The following KAT2A variants were observed in gnomAD, a reference collection of about 807,000 sequenced individuals.
KAT2A encodes lysine acetyltransferase 2A.
KAT2A carries 42 observed loss-of-function variants against 95.2 expected under a neutral mutation model. The ratio of observed to expected loss-of-function variants is 0.44; its 90% confidence interval spans 0.34 to 0.57. The LOEUF (loss-of-function observed/expected upper bound fraction) is 0.57. KAT2A is among the 20% of genes least tolerant of loss of function. The pLI is 0.01. For synonymous variants in KAT2A, 449 were observed against 448.2 expected, an observed-to-expected ratio of 1.00 and a Z score of -0.02; for missense variants, 784 against 1,126.3, an observed-to-expected ratio of 0.70 and a Z score of 4.35.
At chr17:42,113,914 C>A in intron 17 of KAT2A, 72 bp from the exon 18 acceptor site, 1 of 1,482,230 alleles carries the variant, frequency 6.7e-7, no homozygotes, top group Non-Finnish European at 9.0e-7. Flanking sequence ...CCAGGGTGGG[C>A]CCCCTGGGGC....
intron 6 of KAT2A, 149 bp from the exon 7 acceptor site, chr17:42,118,552 A>G (rs1216597349): frequency 1.6e-6 from 1 of 623,964 alleles, no homozygotes; most frequent in Non-Finnish European, 2.9e-6. Flanking sequence ...GTCTTCTGGG[A>G]GCCTCCAATT....
chr17:42,119,328 G>A lies in KAT2A; in HGVS notation c.990C>T (p.Arg330=), dbSNP rs1555666783. 6.2e-7 allele frequency: 1 copy of A among 1,614,102 alleles called. No homozygotes were observed. The highest frequency in any genetic ancestry group is 1.1e-5 in the South Asian group (1 of 91,082). Residue 330 remains arginine, a synonymous_variant, in exon 6 of 18, where the codon CGC becomes CGT. Transcript: ENST00000225916. The surrounding 1 kb of genome is among the most constrained non-coding windows in gnomAD (Gnocchi z 5.3). The part of the protein sequence containing the change: ...SLLRSIFTVT[R]RQLLEKFRVE... ...CTCGGAACTTTTCCAGCAGCTGCCG[G>A]CGGGTAACGGTGAAAATGGACCGGA... is the stretch of plus-strand genomic sequence containing the variant.
chr17:42,116,938 A>G, intron 11 of KAT2A, 97 bp downstream of exon 11: 1 of 1,450,610 alleles, frequency 6.9e-7, no homozygotes, highest in Non-Finnish European at 9.5e-7. Context: ...AGAGAAGAGC[A>G]ACGGGCTGCT....
At chr17:42,116,942 G>GGCT in intron 11 of KAT2A, 93 bp downstream of exon 11, 1 of 1,469,994 alleles carries the variant, frequency 6.8e-7, no homozygotes, top group Non-Finnish European at 9.3e-7. Flanking sequence ...AAGAGCAACG[G>GGCT]GCTGCTGCAT....
In KAT2A at chr17:42,119,902, C is replaced by G; in HGVS notation, c.699+128G>C. ...CACCATGCCCACCCTGAGGTTAGCA[C>G]AAAACACCCTTCCTTCTCTGAACCT... On this transcript the variant is annotated intron_variant, in intron 4 of 17. Transcript: ENST00000225916. The surrounding 1 kb of genome is among the most constrained non-coding windows in gnomAD (Gnocchi z 5.3). 9.5e-7 allele frequency: 1 copy of G among 1,049,800 alleles called. No individual in the cohort carries two copies. Among genetic ancestry groups the G allele is most frequent in the South Asian group, 1.4e-5 (1 of 70,024 alleles). 65.0% of individuals were successfully genotyped at this position (1,049,800 alleles called of 1,614,324 possible). A position where few individuals can be genotyped will look rare whatever the true frequency, so the allele number is the denominator to read the frequency against.
chr17:42,114,186 A>T lies in KAT2A; in HGVS notation c.2235+33T>A. 6.3e-7 allele frequency: 1 copy of T among 1,586,908 alleles called. No homozygotes were observed. The highest frequency in any genetic ancestry group is 8.6e-7 in the Non-Finnish European group (1 of 1,165,346). ...ATCAAGAGGCCACAGCCATTGGTGC[A>T]GGGGCCCTGGAAAGGAAACCTGGTC... On this transcript the variant is annotated intron_variant, in intron 16 of 17. Transcript: ENST00000225916. The surrounding 1 kb of genome is among the most constrained non-coding windows in gnomAD (Gnocchi z 6.0).
In KAT2A at chr17:42,117,017, C is replaced by A. The variant is rs2054268180; in HGVS notation, c.1764+18G>T. 2 of 1,612,798 alleles carry A rather than the reference C, an allele frequency of 1.2e-6. No homozygotes were observed. The highest frequency in any genetic ancestry group is 2.7e-5 in the African/African-American group (2 of 74,948). On this transcript the variant is annotated intron_variant, in intron 11 of 17. Transcript: ENST00000225916. The surrounding 1 kb of genome is among the most constrained non-coding windows in gnomAD (Gnocchi z 8.9). ...AGTGGGCCGTGGACTGGGGCTGGGG[C>A]CGGGGAGCCGCGCTCACCTTGACCT...
In KAT2A at chr17:42,117,812, C is replaced by T. The variant is rs79918701; in HGVS notation, c.1294G>A (p.Glu432Lys). ...AGGTTCTCTGGGAGCGTCCTCTTCT[C>T]GCCTATTGGGGAGGCAGGCAAGGTT... The part of the protein sequence containing the change: ...DSAGAEPMPG[E>K]KRTLPENLTL... Residue 432 changes from glutamate to lysine, a missense_variant and splice_region_variant, in exon 9 of 18, where the codon GAG becomes AAG. Physicochemically the swap from Glu to Lys is moderately conservative, Grantham distance 56. Around this residue, in one of 6 missense-constraint regions of KAT2A, gnomAD observed 174 missense variants for 324.9 expected, o/e 0.54. Coordinates refer to ENST00000225916, the MANE Select transcript of KAT2A (RefSeq NM_021078.3). This position sits in a 1 kb window ranked among gnomAD's most constrained non-coding sequence, Gnocchi z 8.9. 12 of 1,613,656 alleles carry T rather than the reference C, an allele frequency of 7.4e-6. No homozygotes were observed. In the East Asian group the frequency reaches 1.1e-4, roughly 15 times the overall value.
Position 42,114,116 on chromosome 17 carries a change from TG to T in KAT2A, c.2236-33del. ...AGAAGAGCCGGGCTGGGGACAGCCC[TG>T]CTGCGCCCACGCCAGCCCGAGACCA... On this transcript the variant is annotated intron_variant, in intron 16 of 17. Coordinates refer to ENST00000225916, the MANE Select transcript of KAT2A (RefSeq NM_021078.3). The surrounding 1 kb of genome is among the most constrained non-coding windows in gnomAD (Gnocchi z 6.0). The T allele has an allele frequency of 6.4e-7, 1 of 1,558,606 alleles. No individual in the cohort carries two copies. Among genetic ancestry groups the T allele is most frequent in the South Asian group, 1.2e-5 (1 of 85,346 alleles).
chr17:42,115,700 T>C lies in KAT2A; in HGVS notation c.1875+23A>G, dbSNP rs782631329. ...CCCCAGCCTCCAGGCAAAGGACCGGTGTGGGACGAGGCTACGGGTCACCTG... is the reference window on the plus strand; with the variant it reads ...CCCCAGCCTCCAGGCAAAGGACCGGCGTGGGACGAGGCTACGGGTCACCTG... On this transcript the variant is annotated intron_variant, in intron 12 of 17. Transcript: ENST00000225916. 4 of 1,454,402 alleles carry C rather than the reference T, an allele frequency of 2.8e-6. No individual in the cohort carries two copies. The South Asian group carries it at 3.4e-5, about 12-fold the overall frequency. 90.1% of individuals were successfully genotyped at this position (1,454,402 alleles called of 1,614,324 possible). A position where few individuals can be genotyped will look rare whatever the true frequency, so the allele number is the denominator to read the frequency against.
At position 42,113,522 on chromosome 17, in the gene KAT2A, T is replaced by C. The variant is rs577391355; in HGVS notation, c.*127A>G. ...GTCCAGAAAGAGCTGCAGGATCGGG[T>C]CCGGAGGACCCTTGGCTGGAGTGTC... On this transcript the variant is annotated 3_prime_UTR_variant, in exon 18 of 18. Transcript: ENST00000225916. The C allele has an allele frequency of 1.2e-6, 1 of 838,476 alleles. No individual in the cohort carries two copies. The highest frequency in any genetic ancestry group is 1.7e-5 in the South Asian group (1 of 58,324). 51.9% of individuals were successfully genotyped at this position (838,476 alleles called of 1,614,324 possible).
rs564460738 is a variant in KAT2A at position 42,116,514 on chromosome 17, T to TA, written c.1764+520dup. Among the ~76,000 whole-genome samples the TA allele has an allele frequency of 2.0e-3, 306 of 152,242 alleles. 1 individual carries two copies. The highest frequency in any genetic ancestry group is 7.0e-3 in the African/African-American group (292 of 41,538). On this transcript the variant is annotated intron_variant, in intron 11 of 17. Transcript: ENST00000225916. ...GGGTGAATCACTTAAGGTCAGGAGT[T>TA]AGAGACCAGCCTGGGTGAAACCCTG...
chr17:42,119,454 G>C lies in KAT2A; in HGVS notation c.882-18C>G, dbSNP rs376628113. The C allele has an allele frequency of 7.5e-6, 12 of 1,598,368 alleles. No individual in the cohort carries two copies. In the South Asian group the frequency reaches 7.8e-5, roughly 10 times the overall value. On this transcript the variant is annotated intron_variant, in intron 5 of 17. Transcript: ENST00000225916. The surrounding 1 kb of genome is among the most constrained non-coding windows in gnomAD (Gnocchi z 5.3). ...AGAGCCATCTGGAGTAGGGGGTCGA[G>C]GGGGAGACAGGTGAGGGCGGAAACC...
At position 42,114,096 on chromosome 17, in the gene KAT2A, A is replaced by G. The variant is rs2054214469; in HGVS notation, c.2236-12T>C. 1 of 1,554,040 alleles carries G rather than the reference A, an allele frequency of 6.4e-7. No homozygotes were observed. Among genetic ancestry groups the G allele is most frequent in the Non-Finnish European group, 8.7e-7 (1 of 1,155,944 alleles). Reference sequence around the variant, plus strand: ...GCACTGGGGTGAGACTGGAGAGAAGAGCCGGGCTGGGGACAGCCCTGCTGC... The same window carrying G: ...GCACTGGGGTGAGACTGGAGAGAAGGGCCGGGCTGGGGACAGCCCTGCTGC... On this transcript the variant is annotated splice_polypyrimidine_tract_variant and intron_variant, in intron 16 of 17. Coordinates refer to ENST00000225916, the MANE Select transcript of KAT2A (RefSeq NM_021078.3). The surrounding 1 kb of genome is among the most constrained non-coding windows in gnomAD (Gnocchi z 6.0).
Position 42,119,228 on chromosome 17 carries a change from G to C in KAT2A, c.1073+17C>G. On this transcript the variant is annotated intron_variant, in intron 6 of 17. Transcript: ENST00000225916. This position sits in a 1 kb window ranked among gnomAD's most constrained non-coding sequence, Gnocchi z 5.3. ...TGAACTTGGGGCCAAATCCTGGTAG[G>C]CCAGAAGGAGCCTTACTTGGGGAAG... 1 of 1,587,820 alleles carries C rather than the reference G, an allele frequency of 6.3e-7. No individual in the cohort carries two copies. The highest frequency in any genetic ancestry group is 8.6e-7 in the Non-Finnish European group (1 of 1,163,378).
rs1555665501 is a variant in KAT2A at position 42,114,296 on chromosome 17, C to T, written c.2172-14G>A. 6.2e-7 allele frequency: 1 copy of T among 1,613,128 alleles called. No homozygotes were observed. On this transcript the variant is annotated splice_polypyrimidine_tract_variant and intron_variant, in intron 15 of 17. Transcript: ENST00000225916. The surrounding 1 kb of genome is among the most constrained non-coding windows in gnomAD (Gnocchi z 6.0). ...TTCAGCTCCTTCCTGGGGCGAGAGA[C>T]ACCAAGTCTGAGGCTCCAAGTCCCT... is the stretch of plus-strand genomic sequence containing the variant.
Position 42,117,803 on chromosome 17 carries a change from T to C in KAT2A, c.1303A>G (p.Thr435Ala), listed in dbSNP as rs1555666359. 1 of 1,613,900 alleles carries C rather than the reference T, an allele frequency of 6.2e-7. No homozygotes were observed. The highest frequency in any genetic ancestry group is 1.1e-5 in the South Asian group (1 of 91,070). The change falls in exon 9 of 18, where the codon ACG becomes GCG. Residue 435 changes from threonine (T) to alanine (A), a missense_variant. By Grantham distance (58) the Thr-to-Ala change is moderately conservative. Coordinates refer to ENST00000225916, the MANE Select transcript of KAT2A (RefSeq NM_021078.3). This position sits in a 1 kb window ranked among gnomAD's most constrained non-coding sequence, Gnocchi z 8.9. ...GAEPMPGEKRTLPENLTLEDA... is the reference protein window; with the variant it reads ...GAEPMPGEKRALPENLTLEDA... ...TCCAGGGTCAGGTTCTCTGGGAGCG[T>C]CCTCTTCTCGCCTATTGGGGAGGCA... is the stretch of plus-strand genomic sequence containing the variant.
In KAT2A at chr17:42,114,473, C is replaced by T. The variant is rs1226170568; in HGVS notation, c.2134+17G>A. 1 of 1,613,682 alleles carries T rather than the reference C, an allele frequency of 6.2e-7. No homozygotes were observed. Among genetic ancestry groups the T allele is most frequent in the Non-Finnish European group, 8.5e-7 (1 of 1,179,582 alleles). ...GCATCGTGCCCCCACTACCCTGCAA[C>T]TGAGACCCCTGCTTACGAATGCCAG... On this transcript the variant is annotated intron_variant, in intron 14 of 17. Transcript: ENST00000225916. The surrounding 1 kb of genome is among the most constrained non-coding windows in gnomAD (Gnocchi z 6.0).
rs1348742011 is a variant in KAT2A at position 42,119,675 on chromosome 17, G to C, written c.743C>G (p.Pro248Arg). The change falls in exon 5 of 18, where the codon CCC becomes CGC. Residue 248 changes from proline (P) to arginine (R), a missense_variant. Pro to Arg is a moderately radical substitution (Grantham distance 103). Coordinates refer to ENST00000225916, the MANE Select transcript of KAT2A (RefSeq NM_021078.3). The surrounding 1 kb of genome is among the most constrained non-coding windows in gnomAD (Gnocchi z 5.3). ...FVQYKFSHLA[P>R]RERQTMFELS... is the part of the protein sequence containing the mutation. ...CTCGAACATCGTCTGCCGCTCCCGG[G>C]GAGCCAGGTGACTAAACTTGTACTG... The C allele has an allele frequency of 6.2e-7, 1 of 1,612,906 alleles. No homozygotes were observed. Among genetic ancestry groups the C allele is most frequent in the Non-Finnish European group, 8.5e-7 (1 of 1,179,442 alleles).
Sources: allele counts gnomAD v4.1 joint callset (sites outside exome capture counted in the v4.1 genomes callset), GRCh38; gene constraint gnomAD v4.1.1; regional missense constraint gnomAD v4.1.1; non-coding constraint Gnocchi (gnomAD v3.1); transcripts MANE v1.5; gene names NCBI Gene and HGNC (gene_info 2026-07-23, HGNC 2026-07-21).